The following UBE2G1 variants were observed in gnomAD, a reference collection of about 807,000 sequenced individuals.
The protein encoded by UBE2G1 is ubiquitin conjugating enzyme E2 G1, also known as ubiquitin-conjugating enzyme E2 G1.
UBE2G1 carries 5 observed loss-of-function variants against 22.7 expected under a neutral mutation model. The ratio of observed to expected loss-of-function variants is 0.22; its 90% confidence interval spans 0.12 to 0.46. The LOEUF is 0.46. Ranked by LOEUF, UBE2G1 falls within the 20% of genes least tolerant of loss-of-function variation. UBE2G1 has a pLI of 0.99. For missense variants in UBE2G1, 88 were observed against 203.9 expected (o/e 0.43, Z 3.46); for synonymous variants, 74 against 67.5 (o/e 1.10, Z -0.47).
At chr17:4,288,006 T>A (rs761948694) in intron 4 of UBE2G1, among the ~76,000 whole-genome samples, 2 of 152,190 alleles carry the variant, frequency 1.3e-5, no homozygotes, top group South Asian at 2.1e-4. Context: ...GTACTGTGTA[T>A]ATGGAAAGAC....
chr17:4,308,663 A>G (rs1441297157), intron 1 of UBE2G1, among the ~76,000 whole-genome samples: 4 of 152,260 alleles, frequency 2.6e-5, no homozygotes, highest in African/African-American at 9.6e-5. Context: ...AGTGGAACTG[A>G]GTACTCATTG....
At chr17:4,323,135 A>T (rs1047498588) in intron 1 of UBE2G1, among the ~76,000 whole-genome samples, 4 of 152,400 alleles carry the variant, frequency 2.6e-5, no homozygotes, top group African/African-American at 9.6e-5. Context: ...AAGCAAATTT[A>T]TAACTGACAA....
chr17:4,345,326 G>A (rs2143805482), intron 1 of UBE2G1, among the ~76,000 whole-genome samples: 1 of 152,318 alleles, frequency 6.6e-6, no homozygotes, highest in African/African-American at 2.4e-5. Flanking sequence ...CAAGCCTCGA[G>A]CAGATTCTAA....
At chr17:4,363,909 G>C (rs966576408) in intron 1 of UBE2G1, among the ~76,000 whole-genome samples, 2 of 126,566 alleles carry the variant, frequency 1.6e-5, no homozygotes, top group African/African-American at 3.1e-5. Flanking sequence ...CCGAGATTGC[G>C]CCACTGCACT....
chr17:4,282,421 G>T (rs1345459534), intron 5 of UBE2G1, among the ~76,000 whole-genome samples: 1 of 152,174 alleles, frequency 6.6e-6, no homozygotes, highest in Admixed American at 6.6e-5. Context: ...ATGACTAATA[G>T]TCTTGCCTAT....
rs1369419072 is a variant in UBE2G1, at chr17:4,284,268, T to C, written c.427-1347A>G. 5.3e-5 allele frequency among the ~76,000 whole-genome samples: 8 copies of C among 151,736 alleles called. No homozygotes were observed. In the East Asian group the frequency reaches 9.7e-4, roughly 18 times the overall value. On this transcript the variant is annotated intron_variant, in intron 4 of 5. Coordinates refer to ENST00000396981, the MANE Select transcript of UBE2G1 (RefSeq NM_003342.5). The stretch of plus-strand genomic sequence containing the variant: ...TTTTAACTTTCCCAAAATAATAATA[T>C]ATAAACTTTATATAAATATACTGAA...
At chr17:4,296,692 T>TA in intron 3 of UBE2G1, 25 bp downstream of exon 3, 1 of 1,602,896 alleles carries the variant, frequency 6.2e-7, no homozygotes, top group Non-Finnish European at 8.5e-7. Context: ...TCTGCAAATG[T>TA]AAAAGTAAAA....
chr17:4,337,339 GAAAA>G (rs1279074397), intron 1 of UBE2G1, among the ~76,000 whole-genome samples: 2 of 143,988 alleles, frequency 1.4e-5, no homozygotes, highest in African/African-American at 2.6e-5. Context: ...AAAAAGAAAA[GAAAA>G]GAAAGAAAGA....
intron 1 of UBE2G1, among the ~76,000 whole-genome samples, chr17:4,362,158 C>G (rs1192956351): frequency 6.6e-6 from 1 of 152,072 alleles, no homozygotes; most frequent in Non-Finnish European, 1.5e-5. Context: ...TAACATAAGG[C>G]ACTGCAAAAC....
At chr17:4,272,592 T>C in intron 5 of UBE2G1, 76 bp from the exon 6 acceptor site, 1 of 186,642 alleles carries the variant, frequency 5.4e-6, no homozygotes, top group Non-Finnish European at 1.1e-5. Context: ...GTTTTATCCA[T>C]ATTAGATTTA....
intron 2 of UBE2G1, chr17:4,301,371 T>C (rs1335888233): frequency 3.7e-6 from 2 of 538,316 alleles, no homozygotes; most frequent in Non-Finnish European, 7.0e-6. Flanking sequence ...TGAGAAAGCA[T>C]GGGTGCTGCT....
rs569092893 is a variant in UBE2G1 at position 4,274,139 on chromosome 17, C to G, written c.*38-1623G>C. Among the ~76,000 whole-genome samples, 5 of 151,296 alleles carry G rather than the reference C, an allele frequency of 3.3e-5. No individual in the cohort carries two copies. In the East Asian group the frequency reaches 9.7e-4, roughly 29 times the overall value. On this transcript the variant is annotated intron_variant, in intron 5 of 5. Transcript: ENST00000396981. ...GGATCTACAGGCACCCGCCACCACA[C>G]CCGGCTAATTTATTGTATTTTTAGT... is the stretch of plus-strand genomic sequence containing the variant.
At chr17:4,362,154 A>G (rs1434806887) in intron 1 of UBE2G1, among the ~76,000 whole-genome samples, 3 of 152,198 alleles carry the variant, frequency 2.0e-5, no homozygotes, top group Non-Finnish European at 2.9e-5. Context: ...TGTTTAACAT[A>G]AGGCACTGCA....
Position 4,282,843 on chromosome 17 carries a change from A to G in UBE2G1, c.505T>C (p.Phe169Leu). Reference sequence around the variant, plus strand: ...TAGCTGCTAAATAAATGTCACTCAAAAGCAGTCTCTTGGCTTTTTCTTACA... The same window carrying G: ...TAGCTGCTAAATAAATGTCACTCAAGAGCAGTCTCTTGGCTTTTTCTTACA... The part of the protein sequence containing the change: ...RCVRKSQETA[F>L]E Residue 169 changes from phenylalanine to leucine, a missense_variant, in exon 5 of 6, where the codon TTT becomes CTT. Physicochemically the swap from Phe to Leu is conservative, Grantham distance 22. Transcript: ENST00000396981. 1 of 1,612,114 alleles carries G rather than the reference A, an allele frequency of 6.2e-7. No individual in the cohort carries two copies. The highest frequency in any genetic ancestry group is 8.5e-7 in the Non-Finnish European group (1 of 1,179,156).
intron 1 of UBE2G1, among the ~76,000 whole-genome samples, chr17:4,330,423 C>A (rs1433189701): frequency 1.3e-5 from 2 of 152,134 alleles, no homozygotes; most frequent in African/African-American, 4.8e-5. Flanking sequence ...GGAAAGCCTA[C>A]TTAGCTGGAT....
intron 1 of UBE2G1, among the ~76,000 whole-genome samples, chr17:4,355,589 C>T (rs1219803229): frequency 7.0e-6 from 1 of 142,378 alleles, no homozygotes; most frequent in Non-Finnish European, 1.5e-5. Context: ...TTGCGGTGGG[C>T]TGAGATCGTG....
At chr17:4,320,796 C>T (rs58584791) in intron 1 of UBE2G1, among the ~76,000 whole-genome samples, 5,343 of 152,120 alleles carry the variant, frequency 0.035, 343 homozygotes, top group African/African-American at 0.12. Flanking sequence ...TGGAATCATC[C>T]TTGTATAACT....
At chr17:4,346,504 G>A (rs570224931) in intron 1 of UBE2G1, among the ~76,000 whole-genome samples, 18 of 147,562 alleles carry the variant, frequency 1.2e-4, no homozygotes, top group Admixed American at 6.9e-4. Flanking sequence ...GCGCGATCTC[G>A]GCTCACTGCA....
intron 5 of UBE2G1, among the ~76,000 whole-genome samples, chr17:4,281,971 TCTA>T (rs200452438): frequency 0.049 from 7,433 of 152,228 alleles, 542 homozygotes; most frequent in African/African-American, 0.16. Flanking sequence ...TTGACTCCTT[TCTA>T]GACCTAACAT....
Sources: gnomAD v4.1 joint callset for allele counts (sites outside exome capture counted in the v4.1 genomes callset) on GRCh38, gnomAD v4.1.1 for gene constraint, MANE v1.5 for transcripts, NCBI Gene and HGNC (gene_info 2026-07-23, HGNC 2026-07-21) for gene names.